PCDHA10: variants seen among roughly 807,000 people sequenced by gnomAD.
The protein encoded by PCDHA10 is protocadherin alpha 10.
PCDHA10 carries 45 observed loss-of-function variants against 61.2 expected under a neutral mutation model. That is an observed-to-expected ratio of 0.74 (90% confidence interval 0.58 to 0.94). The LOEUF (loss-of-function observed/expected upper bound fraction) is 0.94. Ranked by LOEUF, PCDHA10 falls within the 40% of genes least tolerant of loss-of-function variation. PCDHA10 has a pLI of 0.00. For missense variants in PCDHA10, 1,278 were observed against 1,236.2 expected, an observed-to-expected ratio of 1.03 and a Z score of -0.51; for synonymous variants, 602 against 548.8, an observed-to-expected ratio of 1.10 and a Z score of -1.35.
chr5:140,856,405 C>T lies in PCDHA10; in HGVS notation c.357C>T (p.Asp119=). 6.3e-7 allele frequency: 1 copy of T among 1,598,432 alleles called. No homozygotes were observed. The highest frequency in any genetic ancestry group is 8.6e-7 in the Non-Finnish European group (1 of 1,167,952). The change falls in exon 1 of 4, where the codon GAC becomes GAT. Residue 119 remains aspartate, a synonymous_variant. Transcript: ENST00000307360. ...GGCCGCTGCAGGTTTTCCATGTGGA[C>T]GTGGAAGTGAAGGACATTAACGACA... ...VDRPLQVFHV[D]VEVKDINDNP... is the part of the protein sequence containing the mutation.
intron 1 of PCDHA10, among the ~76,000 whole-genome samples, chr5:140,971,957 AC>A (rs1360214556): frequency 6.6e-6 from 1 of 152,060 alleles, no homozygotes; most frequent in Non-Finnish European, 1.5e-5. Flanking sequence ...GACTCCAAAA[AC>A]TTTTTTTCAA....
chr5:140,990,686 G>A (rs1391341936), intron 3 of PCDHA10, among the ~76,000 whole-genome samples: 1 of 152,124 alleles, frequency 6.6e-6, no homozygotes, highest in Admixed American at 6.5e-5. Context: ...AGCTGCTTTC[G>A]GAGAGTCCAG....
At chr5:140,928,489 C>A in intron 1 of PCDHA10, 1 of 1,614,152 alleles carries the variant, frequency 6.2e-7, no homozygotes. Context: ...TGGTGGCATT[C>A]CTCCCAGAAG....
intron 3 of PCDHA10, among the ~76,000 whole-genome samples, chr5:141,004,888 G>C (rs555046086): frequency 2.0e-5 from 3 of 152,132 alleles, no homozygotes; most frequent in Admixed American, 6.5e-5. Flanking sequence ...GTGCTATTGT[G>C]TCAGCTCTGC....
At chr5:140,993,462 T>TCACACACACACACACACA (rs3836747) in intron 3 of PCDHA10, among the ~76,000 whole-genome samples, 2 of 140,938 alleles carry the variant, frequency 1.4e-5, no homozygotes, top group African/African-American at 5.3e-5. Flanking sequence ...TCTTTCTTTC[T>TCACACACACACACACACA]CACACACACA....
At chr5:140,922,139 C>A (rs2080663133) in intron 1 of PCDHA10, among the ~76,000 whole-genome samples, 1 of 151,854 alleles carries the variant, frequency 6.6e-6, no homozygotes, top group Non-Finnish European at 1.5e-5. Flanking sequence ...TCTTATCCTC[C>A]ATGAAACTCA....
chr5:140,906,076 C>T (rs541119722), intron 1 of PCDHA10, among the ~76,000 whole-genome samples: 2 of 152,326 alleles, frequency 1.3e-5, no homozygotes, highest in African/African-American at 4.8e-5. Context: ...AGATCGCACC[C>T]ACCCAGACTG....
chr5:140,906,930 G>A (rs1006674722), intron 1 of PCDHA10, among the ~76,000 whole-genome samples: 3 of 152,246 alleles, frequency 2.0e-5, no homozygotes, highest in Non-Finnish European at 4.4e-5. Flanking sequence ...AAAGTGTCCC[G>A]GTGTCAATCT....
chr5:140,973,815 A>G (rs2096603789), intron 1 of PCDHA10, among the ~76,000 whole-genome samples: 1 of 152,224 alleles, frequency 6.6e-6, no homozygotes, highest in Admixed American at 6.5e-5. Flanking sequence ...CAGAATAGCA[A>G]AGTCAGTTCT....
At chr5:140,968,598 A>G in intron 1 of PCDHA10, 2 of 1,614,102 alleles carry the variant, frequency 1.2e-6, no homozygotes, top group Non-Finnish European at 1.7e-6. Flanking sequence ...ATAGCTATGG[A>G]CTCAGACTCT....
chr5:140,883,402 C>T lies in PCDHA10; in HGVS notation c.2388+24966C>T. ...CCCTAATCAGTGTGTCCGATCGTGACTCTGGCTCAAATGGACAGGTCACCT... is the reference window on the plus strand; with the variant it reads ...CCCTAATCAGTGTGTCCGATCGTGATTCTGGCTCAAATGGACAGGTCACCT... On this transcript the variant is annotated intron_variant, in intron 1 of 3. Coordinates refer to ENST00000307360, the MANE Select transcript of PCDHA10 (RefSeq NM_018901.4). 4 of 1,614,192 alleles carry T rather than the reference C, an allele frequency of 2.5e-6. No individual in the cohort carries two copies. The South Asian group carries it at 3.3e-5, about 13-fold the overall frequency.
At chr5:140,882,755 G>C (rs1554175453) in intron 1 of PCDHA10, 3 of 1,614,112 alleles carry the variant, frequency 1.9e-6, no homozygotes, top group Non-Finnish European at 2.5e-6. Context: ...TGCAGATATT[G>C]GAGTAAACTC....
rs369670852 is a variant in PCDHA10, at chr5:140,928,571, C to G, written c.2389-50378C>G. 1.9e-5 allele frequency: 30 copies of G among 1,614,180 alleles called. 1 individual carries two copies. The African/African-American group carries it at 1.9e-4, about 10-fold the overall frequency. On this transcript the variant is annotated intron_variant, in intron 1 of 3. Transcript: ENST00000307360. ...TATCCGGTTATCTTGTTTCCCTTGC[C>G]CAGAAATGGTTCTGTCCCAGTGGAA...
Position 140,868,861 on chromosome 5 carries a change from T to G in PCDHA10, c.2388+10425T>G, listed in dbSNP as rs539900578. The G allele has an allele frequency of 3.6e-3, 1,881 of 525,394 alleles. 11 individuals carry two copies. Among genetic ancestry groups the G allele is most frequent in the Non-Finnish European group, 4.6e-3 (1,438 of 315,638 alleles). 32.5% of individuals were successfully genotyped at this position (525,394 alleles called of 1,614,324 possible). On this transcript the variant is annotated intron_variant, in intron 1 of 3. Coordinates refer to ENST00000307360, the MANE Select transcript of PCDHA10 (RefSeq NM_018901.4). ...ACACGTGAAATTCTGTGGTGGTAAA[T>G]GCAGTGCACAGTACTCACAGTTTTA...
At chr5:140,968,460 C>G (rs1554230749) in intron 1 of PCDHA10, 1 of 1,614,096 alleles carries the variant, frequency 6.2e-7, no homozygotes, top group Non-Finnish European at 8.5e-7. Flanking sequence ...ACTGTGACTG[C>G]CAACGTATAT....
At chr5:140,893,657 A>T (rs1046030357) in intron 1 of PCDHA10, among the ~76,000 whole-genome samples, 19 of 152,126 alleles carry the variant, frequency 1.2e-4, no homozygotes, top group Non-Finnish European at 2.2e-4. Context: ...TGATAGTTTT[A>T]AAAAATTTCA....
chr5:140,906,595 C>T (rs1341854347), intron 1 of PCDHA10, among the ~76,000 whole-genome samples: 1 of 152,218 alleles, frequency 6.6e-6, no homozygotes, highest in Non-Finnish European at 1.5e-5. Context: ...CCTTCCTCTA[C>T]TACTCATTCT....
chr5:140,929,681 AAG>A, intron 1 of PCDHA10: 1 of 302,408 alleles, frequency 3.3e-6, no homozygotes, highest in Non-Finnish European at 6.3e-6. Flanking sequence ...AAAAATATGT[AAG>A]AGTCTGCTTT....
At chr5:140,968,673 A>G in intron 1 of PCDHA10, 2 of 1,614,168 alleles carry the variant, frequency 1.2e-6, no homozygotes, top group Non-Finnish European at 1.7e-6. Context: ...TTTAAGGTAG[A>G]GCTGCACACA....
Sources: allele counts gnomAD v4.1 joint callset (sites outside exome capture counted in the v4.1 genomes callset), GRCh38; gene constraint gnomAD v4.1.1; transcripts MANE v1.5; gene names NCBI Gene and HGNC (gene_info 2026-07-23, HGNC 2026-07-21).